ALPK2: variants seen among roughly 807,000 people sequenced by gnomAD.
ALPK2 encodes alpha kinase 2.
ALPK2 carries 127 observed loss-of-function variants against 163.1 expected under a neutral mutation model. That is an observed-to-expected ratio of 0.78 (90% confidence interval 0.67 to 0.90). The LOEUF is 0.90. Among genes scored for constraint, ALPK2 ranks in the 40% least tolerant of loss-of-function variants. ALPK2 has a pLI of 0.00. For missense variants in ALPK2, 2,360 were observed against 2,589.6 expected (o/e 0.91, Z 1.92); for synonymous variants, 953 against 959.1 (o/e 0.99, Z 0.12).
chr18:58,620,724 A>C (rs73447275), intron 1 of ALPK2, among the ~76,000 whole-genome samples: 4,765 of 152,316 alleles, frequency 0.031, 251 homozygotes, highest in African/African-American at 0.11. Context: ...AGGAGGCAAA[A>C]ATTTAATGAG....
At chr18:58,617,866 A>T (rs959367440) in intron 1 of ALPK2, among the ~76,000 whole-genome samples, 2 of 152,322 alleles carry the variant, frequency 1.3e-5, no homozygotes, top group African/African-American at 4.8e-5. Context: ...TTGGTATTCC[A>T]TAGTATAGCA....
rs1341176281 is a variant in ALPK2 at position 58,579,124 on chromosome 18, G to C, written c.1652C>G (p.Ala551Gly). 1 of 1,614,168 alleles carries C rather than the reference G, an allele frequency of 6.2e-7. No individual in the cohort carries two copies. The highest frequency in any genetic ancestry group is 1.3e-5 in the African/African-American group (1 of 75,024). Residue 551 changes from alanine to glycine, a missense_variant, in exon 4 of 13, where the codon GCC becomes GGC. Ala to Gly is a moderately conservative substitution (Grantham distance 60, BLOSUM62 0). Coordinates refer to ENST00000361673, the MANE Select transcript of ALPK2 (RefSeq NM_052947.4). ...TTCTGTTGTACTTTCTCTCAGGTTG[G>C]CATTCGGCTTCTTGGGATTTCCCTT... ...GMKGNPKKPN[A>G]NLRESTTEGT...
rs1041016625 is a variant in ALPK2 at position 58,529,131 on chromosome 18, A to G, written c.5461T>C (p.Trp1821Arg). Residue 1821 changes from tryptophan (W) to arginine (R), a missense_variant, in exon 6 of 13, where the codon TGG (tryptophan) becomes CGG (arginine). Transcript: ENST00000361673. ...AEIHEDSTIC[W>R]TKDSKSIAQV... Reference sequence around the variant, plus strand: ...GCTATGGACTTTGAATCTTTTGTCCAGCAGATAGTAGAATCTTCATGAATT... The same window carrying G: ...GCTATGGACTTTGAATCTTTTGTCCGGCAGATAGTAGAATCTTCATGAATT... 6 of 1,614,176 alleles carry G rather than the reference A, an allele frequency of 3.7e-6. No homozygotes were observed. The highest frequency in any genetic ancestry group is 5.1e-6 in the Non-Finnish European group (6 of 1,179,978).
At chr18:58,525,743 G>C (rs565000369) in intron 6 of ALPK2, among the ~76,000 whole-genome samples, 4 of 152,222 alleles carry the variant, frequency 2.6e-5, no homozygotes, top group African/African-American at 7.2e-5. Context: ...GTCATGAGGA[G>C]TAACGTGTCA....
intron 4 of ALPK2, among the ~76,000 whole-genome samples, chr18:58,557,682 G>A (rs377268996): frequency 1.0e-3 from 49 of 48,480 alleles, no homozygotes; most frequent in African/African-American, 3.0e-3. Flanking sequence ...GTGTGTGTGT[G>A]TGTGTGTATA....
chr18:58,573,613 C>CTTTTTTTTTTTTTT lies in ALPK2; in HGVS notation c.1962+5187_1962+5200dup, dbSNP rs778622176. ...AGAGGCATGTTGCCATTTTTGTCTT[C>CTTTTTTTTTTTTTT]TTTTTTTTTTTTTTTTTTTTTTTTA... On this transcript the variant is annotated intron_variant, in intron 4 of 12. Transcript: ENST00000361673. Among the ~76,000 whole-genome samples, 231 of 51,680 alleles carry CTTTTTTTTTTTTTT rather than the reference C, an allele frequency of 4.5e-3. 1 individual carries two copies. Among genetic ancestry groups the CTTTTTTTTTTTTTT allele is most frequent in the East Asian group, 5.7e-3 (6 of 1,048 alleles). The allele number at this position is 51,680 out of a possible 152,430, so 33.9% of individuals were successfully genotyped here. A position where few individuals can be genotyped will look rare whatever the true frequency, so the allele number is the denominator to read the frequency against.
At chr18:58,547,861 G>A (rs546548397) in intron 4 of ALPK2, among the ~76,000 whole-genome samples, 1 of 152,290 alleles carries the variant, frequency 6.6e-6, no homozygotes, top group East Asian at 1.9e-4. Context: ...CCCACAAACT[G>A]AAACTTTCCT....
intron 12 of ALPK2, among the ~76,000 whole-genome samples, chr18:58,482,937 C>A (rs1227148204): frequency 6.6e-6 from 1 of 152,152 alleles, no homozygotes; most frequent in African/African-American, 2.4e-5. Context: ...GGGTAGTAGG[C>A]TATTGCAGCT....
chr18:58,553,840 T>A (rs1283722380), intron 4 of ALPK2, among the ~76,000 whole-genome samples: 4 of 145,036 alleles, frequency 2.8e-5, no homozygotes, highest in Non-Finnish European at 6.0e-5. Flanking sequence ...CAGTTGGGGT[T>A]TTTTTTTTGG....
chr18:58,561,615 G>A (rs537173160), intron 4 of ALPK2, among the ~76,000 whole-genome samples: 56 of 152,332 alleles, frequency 3.7e-4, no homozygotes, highest in African/African-American at 1.3e-3. Flanking sequence ...ATGACTGTGG[G>A]CTGCTGTGGA....
At chr18:58,611,242 C>T (rs1337857880) in intron 2 of ALPK2, among the ~76,000 whole-genome samples, 1 of 150,858 alleles carries the variant, frequency 6.6e-6, no homozygotes, top group Non-Finnish European at 1.5e-5. Context: ...CACACCACTG[C>T]ACTCCAGCCT....
At chr18:58,549,396 C>T (rs147851289) in intron 4 of ALPK2, among the ~76,000 whole-genome samples, 6 of 152,196 alleles carry the variant, frequency 3.9e-5, no homozygotes, top group African/African-American at 1.4e-4. Flanking sequence ...ATGGATCCAT[C>T]GAAACAAACT....
chr18:58,583,562 C>T (rs2051970515), intron 3 of ALPK2, among the ~76,000 whole-genome samples: 1 of 151,918 alleles, frequency 6.6e-6, no homozygotes, highest in African/African-American at 2.4e-5. Flanking sequence ...ACCTGTAATC[C>T]CAGCACTTCA....
intron 4 of ALPK2, among the ~76,000 whole-genome samples, chr18:58,551,045 C>A (rs1288456137): frequency 6.6e-6 from 1 of 151,976 alleles, no homozygotes; most frequent in East Asian, 1.9e-4. Flanking sequence ...ATCACCATCT[C>A]ACCCCCGAGA....
intron 4 of ALPK2, among the ~76,000 whole-genome samples, chr18:58,566,033 G>A (rs145282628): frequency 0.12 from 17,910 of 152,144 alleles, 1,126 homozygotes; most frequent in East Asian, 0.18. Context: ...CACCTGCCTC[G>A]GGCTCCCAAA....
rs117594953 is a variant in ALPK2, at chr18:58,516,151, C to T, written c.5940+757G>A. Among the ~76,000 whole-genome samples the T allele has an allele frequency of 4.2e-3, 638 of 151,426 alleles. 2 individuals carry two copies. Among genetic ancestry groups the T allele is most frequent in the African/African-American group, 0.015 (602 of 41,222 alleles). On this transcript the variant is annotated intron_variant, in intron 9 of 12. Coordinates refer to ENST00000361673, the MANE Select transcript of ALPK2 (RefSeq NM_052947.4). ...GGAGGGTTGCTTAAGGCCAGGAGGC[C>T]GAGACTGCTGTGGAGCCGTGATCAT...
chr18:58,551,518 T>G (rs7407659), intron 4 of ALPK2, among the ~76,000 whole-genome samples: 66,495 of 152,008 alleles, frequency 0.44, 15,179 homozygotes, highest in East Asian at 0.61. Context: ...ATATCTGCAG[T>G]TTCCATGTGC....
intron 4 of ALPK2, among the ~76,000 whole-genome samples, chr18:58,558,364 C>T (rs1057010349): frequency 6.6e-6 from 1 of 152,078 alleles, no homozygotes; most frequent in Non-Finnish European, 1.5e-5. Context: ...TTTGGTTATA[C>T]TGAGTTAGTA....
In ALPK2 at chr18:58,565,907, G is replaced by A. The variant is rs570377740; in HGVS notation, c.1962+12907C>T. On this transcript the variant is annotated intron_variant, in intron 4 of 12. Coordinates refer to ENST00000361673, the MANE Select transcript of ALPK2 (RefSeq NM_052947.4). Reference sequence around the variant, plus strand: ...AGCAATTCTTCTGCCTCAGCCTCCCGAGTAGCTGGGACTACAGGCGTGCAC... The same window carrying A: ...AGCAATTCTTCTGCCTCAGCCTCCCAAGTAGCTGGGACTACAGGCGTGCAC... Among the ~76,000 whole-genome samples the A allele has an allele frequency of 3.9e-5, 6 of 151,912 alleles. No homozygotes were observed. The South Asian group carries it at 1.0e-3, about 26-fold the overall frequency.
Sources: allele counts gnomAD v4.1 joint callset (sites outside exome capture counted in the v4.1 genomes callset), GRCh38; gene constraint gnomAD v4.1.1; transcripts MANE v1.5; gene names NCBI Gene and HGNC (gene_info 2026-07-23, HGNC 2026-07-21).